The following EPHA7 variants were observed in gnomAD, a reference collection of about 807,000 sequenced individuals.
EPHA7 encodes the protein EPH receptor A7, also known as ephrin type-A receptor 7.
EPHA7 carries 25 observed loss-of-function variants against 112.6 expected under a neutral mutation model. The ratio of observed to expected loss-of-function variants is 0.22; its 90% CI spans 0.16 to 0.31. The LOEUF is 0.31. Ranked by LOEUF, EPHA7 falls within the 10% of genes least tolerant of loss-of-function variation. The pLI is 1.00. For synonymous variants in EPHA7, 437 were observed against 406.5 expected (o/e 1.07, Z -0.90); for missense variants, 962 against 1,212.6 (o/e 0.79, Z 3.07).
rs571739472 is a variant in EPHA7, at chr6:93,351,535, G to A, written c.1324+5182C>T. On this transcript the variant is annotated intron_variant, in intron 5 of 16. Transcript: ENST00000369303. ...ATAGTTATCACTCTCATTAAGAACT[G>A]TAGTATATGTACAGTATCACTCACC... is the stretch of plus-strand genomic sequence containing the variant. Among the ~76,000 whole-genome samples the A allele has an allele frequency of 2.0e-5, 3 of 152,068 alleles. No individual in the cohort carries two copies. The South Asian group carries it at 6.2e-4, about 32-fold the overall frequency.
intron 5 of EPHA7, among the ~76,000 whole-genome samples, chr6:93,342,294 T>C (rs546041996): frequency 7.2e-6 from 1 of 139,816 alleles, no homozygotes; most frequent in Non-Finnish European, 1.5e-5. Context: ...CATGATACCA[T>C]AAGACAAAAA....
intron 15 of EPHA7, among the ~76,000 whole-genome samples, chr6:93,246,093 C>T (rs527331568): frequency 6.6e-6 from 1 of 151,934 alleles, no homozygotes; most frequent in African/African-American, 2.4e-5. Context: ...GCTCTGTCGC[C>T]CAGGCTGGAG....
rs1447581505 is a variant in EPHA7, at chr6:93,283,027, C to T, written c.1325-10605G>A. 1.2e-4 allele frequency among the ~76,000 whole-genome samples: 18 copies of T among 152,202 alleles called. 1 individual carries two copies. Among genetic ancestry groups the T allele is most frequent in the South Asian group, 6.2e-4 (3 of 4,838 alleles). On this transcript the variant is annotated intron_variant, in intron 5 of 16. Coordinates refer to ENST00000369303, the MANE Select transcript of EPHA7 (RefSeq NM_004440.4). ...CGGGACTGGCAGGCAGCTCCACCTG[C>T]GGCCCCGGTGCGGGATCCATTGGGT...
At chr6:93,319,283 T>C (rs77306003) in intron 5 of EPHA7, among the ~76,000 whole-genome samples, 8,627 of 152,090 alleles carry the variant, frequency 0.057, 310 homozygotes, top group African/African-American at 0.1. Flanking sequence ...CACACTGTCA[T>C]TGAGCATGCA....
At chr6:93,307,554 AT>A (rs1413967430) in intron 5 of EPHA7, among the ~76,000 whole-genome samples, 6 of 152,140 alleles carry the variant, frequency 3.9e-5, no homozygotes, top group Non-Finnish European at 8.8e-5. Flanking sequence ...CTAAAAAATA[AT>A]TTCTAAGTTT....
chr6:93,401,829 CAA>C (rs1778450354), intron 3 of EPHA7, among the ~76,000 whole-genome samples: 3 of 151,726 alleles, frequency 2.0e-5, no homozygotes, highest in Admixed American at 2.0e-4. Context: ...AGAAAAATAT[CAA>C]ATATATAGCT....
chr6:93,381,713 AT>A (rs1003301628), intron 3 of EPHA7, among the ~76,000 whole-genome samples: 3 of 135,156 alleles, frequency 2.2e-5, no homozygotes, highest in African/African-American at 8.4e-5. Flanking sequence ...TGTGACAAAG[AT>A]TTTTTTCTTT....
At chr6:93,379,106 T>C (rs1016208674) in intron 3 of EPHA7, among the ~76,000 whole-genome samples, 1 of 152,072 alleles carries the variant, frequency 6.6e-6, no homozygotes, top group Non-Finnish European at 1.5e-5. Context: ...TACGTTAGCA[T>C]TACTCAAGTA....
chr6:93,325,080 T>A (rs1774251784), intron 5 of EPHA7, among the ~76,000 whole-genome samples: 2 of 151,136 alleles, frequency 1.3e-5, no homozygotes, highest in Admixed American at 1.3e-4. Context: ...AGAGAGTGGG[T>A]GTACAGACAG....
chr6:93,358,686 T>G (rs1343342344), intron 3 of EPHA7, among the ~76,000 whole-genome samples: 4 of 152,184 alleles, frequency 2.6e-5, no homozygotes, highest in Non-Finnish European at 5.9e-5. Flanking sequence ...AGGCATAATT[T>G]ATTTAGCCAA....
At chr6:93,417,088 T>C (rs1779272447) in intron 1 of EPHA7, among the ~76,000 whole-genome samples, 1 of 152,070 alleles carries the variant, frequency 6.6e-6, no homozygotes, top group Non-Finnish European at 1.5e-5. Context: ...CGGCGGCATT[T>C]ACGGAGAGAA....
chr6:93,355,074 G>GC (rs1477218028), intron 5 of EPHA7, among the ~76,000 whole-genome samples: 1 of 151,904 alleles, frequency 6.6e-6, no homozygotes, highest in African/African-American at 2.4e-5. Context: ...ATAAAACAAC[G>GC]CAAGTGGAAC....
chr6:93,294,103 C>G (rs886422191), intron 5 of EPHA7, among the ~76,000 whole-genome samples: 10 of 152,228 alleles, frequency 6.6e-5, no homozygotes, highest in African/African-American at 2.4e-4. Flanking sequence ...CAGACAGGTG[C>G]AATGACAAAG....
rs190785237 is a variant in EPHA7, at chr6:93,270,795, C to T, written c.1450-1135G>A. Among the ~76,000 whole-genome samples the T allele has an allele frequency of 1.3e-4, 19 of 151,756 alleles. No homozygotes were observed. In the Admixed American group the frequency reaches 1.3e-3, roughly 10 times the overall value. ...TTGTATTACATGTATTTATCTCAAA[C>T]GAAAGACCTAGGCATAACTCAGGTG... On this transcript the variant is annotated intron_variant, in intron 6 of 16. Transcript: ENST00000369303.
chr6:93,332,987 A>G (rs1290355437), intron 5 of EPHA7, among the ~76,000 whole-genome samples: 1 of 151,682 alleles, frequency 6.6e-6, no homozygotes, highest in Non-Finnish European at 1.5e-5. Flanking sequence ...TTACCCAGGT[A>G]ATAAGCATAG....
chr6:93,359,033 AAAT>A (rs1302748927), intron 3 of EPHA7, among the ~76,000 whole-genome samples: 1 of 152,188 alleles, frequency 6.6e-6, no homozygotes, highest in African/African-American at 2.4e-5. Flanking sequence ...TTGTTACTAA[AAAT>A]AATGAAATCC....
At position 93,325,681 on chromosome 6, in the gene EPHA7, C is replaced by T. The variant is rs187516206; in HGVS notation, c.1324+31036G>A. On this transcript the variant is annotated intron_variant, in intron 5 of 16. Coordinates refer to ENST00000369303, the MANE Select transcript of EPHA7 (RefSeq NM_004440.4). Reference sequence around the variant, plus strand: ...TTTCTTGGTATTGAAAACAGGTGTACATTTAACCAAGGTTAACTGCAGTGC... The same window carrying T: ...TTTCTTGGTATTGAAAACAGGTGTATATTTAACCAAGGTTAACTGCAGTGC... Among the ~76,000 whole-genome samples, 20 of 151,330 alleles carry T rather than the reference C, an allele frequency of 1.3e-4. No homozygotes were observed. In the East Asian group the frequency reaches 3.5e-3, roughly 26 times the overall value.
chr6:93,348,755 T>C (rs1158813177), intron 5 of EPHA7, among the ~76,000 whole-genome samples: 2 of 151,898 alleles, frequency 1.3e-5, no homozygotes, highest in Admixed American at 1.3e-4. Flanking sequence ...ACCTAGATAG[T>C]CTAAGAAATT....
chr6:93,409,498 T>C lies in EPHA7; in HGVS notation c.832+1003A>G, dbSNP rs143649255. On this transcript the variant is annotated intron_variant, in intron 3 of 16. Coordinates refer to ENST00000369303, the MANE Select transcript of EPHA7 (RefSeq NM_004440.4). ...CACATACTAAGTTATCAAGAAAAAT[T>C]AGTTATAATAGTTATTATTATCAGT... 1.2e-4 allele frequency among the ~76,000 whole-genome samples: 19 copies of C among 152,164 alleles called. 1 individual carries two copies. In the East Asian group the frequency reaches 3.7e-3, roughly 29 times the overall value.
Sources: allele counts gnomAD v4.1 joint callset (sites outside exome capture counted in the v4.1 genomes callset), GRCh38; gene constraint gnomAD v4.1.1; transcripts MANE v1.5; gene names NCBI Gene and HGNC (gene_info 2026-07-23, HGNC 2026-07-21).